The following LINGO2 variants were observed in gnomAD, a reference collection of about 807,000 sequenced individuals.
The protein encoded by LINGO2 is leucine rich repeat and Ig domain containing 2, also known as leucine-rich repeat and immunoglobulin-like domain-containing nogo receptor-interacting protein 2.
A neutral mutation model predicts 30.6 loss-of-function variants in LINGO2; 14 were observed. The observed-to-expected ratio is 0.46, with a 90% confidence interval of 0.30 to 0.72. LINGO2 has a LOEUF of 0.72. Among genes scored for constraint, LINGO2 ranks in the 30% least tolerant of loss-of-function variants. The pLI is 0.07. For synonymous variants in LINGO2, 317 were observed against 288.5 expected, an observed-to-expected ratio of 1.10 and a Z score of -1.00; for missense variants, 729 against 751.7, an observed-to-expected ratio of 0.97 and a Z score of 0.35.
At chr9:28,465,248 T>C (rs938231080) in intron 2 of LINGO2, among the ~76,000 whole-genome samples, 2 of 152,036 alleles carry the variant, frequency 1.3e-5, no homozygotes, top group Non-Finnish European at 2.9e-5. Flanking sequence ...ATGGTGAACA[T>C]AGAAATTTTA....
the LINGO2 span, among the ~76,000 whole-genome samples, chr9:28,991,909 G>A: frequency 2.0e-5 from 3 of 151,970 alleles, no homozygotes; most frequent in Non-Finnish European, 4.4e-5. Context: ...CACTGCAAAA[G>A]CATGCCAAAT....
At chr9:28,542,151 AT>A (rs1404048076) in intron 1 of LINGO2, among the ~76,000 whole-genome samples, 1 of 152,148 alleles carries the variant, frequency 6.6e-6, no homozygotes, top group African/African-American at 2.4e-5. Flanking sequence ...TCTGCAGTGG[AT>A]ATTACCTTCC....
intron 4 of LINGO2, among the ~76,000 whole-genome samples, chr9:28,279,526 G>C (rs1230327887): frequency 2.6e-5 from 4 of 152,088 alleles, no homozygotes; most frequent in Admixed American, 6.6e-5. Flanking sequence ...CAAAAATATT[G>C]TGATTTGTTG....
chr9:28,351,387 C>T (rs930602302), intron 3 of LINGO2, among the ~76,000 whole-genome samples: 21 of 150,852 alleles, frequency 1.4e-4, no homozygotes, highest in African/African-American at 4.6e-4. Context: ...TGCAAATAAA[C>T]TAGAAAATCT....
chr9:28,509,823 T>C lies in LINGO2; in HGVS notation c.-364-33798A>G, dbSNP rs1445031872. On this transcript the variant is annotated intron_variant, in intron 1 of 5. Transcript: ENST00000379992. ...ATTGTTTTAGTCATACAGTCTGTGG[T>C]ATTTTGTTGTGGCAGCCCTTGCAGA... Among the ~76,000 whole-genome samples, 6 of 152,364 alleles carry C rather than the reference T, an allele frequency of 3.9e-5. No individual in the cohort carries two copies. The South Asian group carries it at 1.0e-3, about 26-fold the overall frequency.
chr9:29,067,265 C>T, the LINGO2 span, among the ~76,000 whole-genome samples: 1 of 151,684 alleles, frequency 6.6e-6, no homozygotes, highest in Non-Finnish European at 1.5e-5. Context: ...TGGGAACACA[C>T]TATAGATAAT....
chr9:28,321,870 C>A (rs1825055891), intron 3 of LINGO2, among the ~76,000 whole-genome samples: 1 of 151,720 alleles, frequency 6.6e-6, no homozygotes, highest in Non-Finnish European at 1.5e-5. Context: ...GATGTTAGGA[C>A]AGGCGATGGA....
At chr9:29,021,433 G>A in the LINGO2 span, among the ~76,000 whole-genome samples, 8 of 152,154 alleles carry the variant, frequency 5.3e-5, no homozygotes, top group African/African-American at 1.4e-4. Context: ...CGATGCGGGC[G>A]GATCATGAGG....
chr9:28,996,020 TA>T, the LINGO2 span, among the ~76,000 whole-genome samples: 37 of 150,480 alleles, frequency 2.5e-4, no homozygotes, highest in African/African-American at 7.1e-4. Flanking sequence ...TAAAGTATAA[TA>T]AAAAAAATGA....
At chr9:29,119,821 C>T in the LINGO2 span, among the ~76,000 whole-genome samples, 1 of 152,036 alleles carries the variant, frequency 6.6e-6, no homozygotes, top group Non-Finnish European at 1.5e-5. Context: ...TGGTCTCGAA[C>T]TCCTGACCTC....
the LINGO2 span, among the ~76,000 whole-genome samples, chr9:29,182,085 A>C: frequency 6.6e-6 from 1 of 152,290 alleles, no homozygotes; most frequent in African/African-American, 2.4e-5. Context: ...AAAGAAAATA[A>C]ATAGAAAGAT....
At chr9:28,309,204 T>C (rs1824502438) in intron 3 of LINGO2, among the ~76,000 whole-genome samples, 1 of 152,074 alleles carries the variant, frequency 6.6e-6, no homozygotes, top group Admixed American at 6.6e-5. Context: ...GAAGATAGAC[T>C]GGATTAAGAA....
chr9:28,022,643 CTT>C (rs1823188024), intron 4 of LINGO2, among the ~76,000 whole-genome samples: 1 of 151,556 alleles, frequency 6.6e-6, no homozygotes, highest in African/African-American at 2.4e-5. Context: ...GCATAACTCT[CTT>C]CTTTTTCTCT....
At chr9:28,706,125 T>G in the LINGO2 span, among the ~76,000 whole-genome samples, 2 of 152,132 alleles carry the variant, frequency 1.3e-5, no homozygotes, top group Non-Finnish European at 2.9e-5. Flanking sequence ...CATTCATATA[T>G]TCAGGGCTTT....
rs142873899 is a variant in LINGO2 at position 28,303,605 on chromosome 9, C to T, written c.-245-8239G>A. Among the ~76,000 whole-genome samples the T allele has an allele frequency of 2.6e-4, 39 of 152,094 alleles. 2 individuals carry two copies. The East Asian group carries it at 5.2e-3, about 20-fold the overall frequency. ...ACTGTAACATAACAGTAGATTAACA[C>T]GTGTTTTGTGTGCTCTATTTATTAA... On this transcript the variant is annotated intron_variant, in intron 3 of 5. Coordinates refer to ENST00000379992, the Ensembl canonical transcript of LINGO2.
intron 5 of LINGO2, among the ~76,000 whole-genome samples, chr9:27,956,991 A>T (rs1229380031): frequency 6.6e-6 from 1 of 152,118 alleles, no homozygotes; most frequent in East Asian, 1.9e-4. Context: ...GCTACTCAGG[A>T]AGCTGAGGTG....
chr9:28,505,931 A>C (rs992139790), intron 1 of LINGO2, among the ~76,000 whole-genome samples: 7 of 151,836 alleles, frequency 4.6e-5, no homozygotes, highest in Non-Finnish European at 8.8e-5. Flanking sequence ...TTAAGCACAA[A>C]GGAATTATTA....
At chr9:28,133,641 T>C (rs976924579) in intron 4 of LINGO2, among the ~76,000 whole-genome samples, 1 of 152,172 alleles carries the variant, frequency 6.6e-6, no homozygotes, top group Non-Finnish European at 1.5e-5. Flanking sequence ...AAAGCACTGA[T>C]GGGCAGCTTG....
At chr9:28,479,151 A>G (rs1417441658) in intron 1 of LINGO2, among the ~76,000 whole-genome samples, 1 of 152,054 alleles carries the variant, frequency 6.6e-6, no homozygotes, top group East Asian at 1.9e-4. Flanking sequence ...ATTAACTATC[A>G]TTACAAAAAT....
Sources: allele counts gnomAD v4.1 joint callset (sites outside exome capture counted in the v4.1 genomes callset), GRCh38; gene constraint gnomAD v4.1.1; transcripts MANE v1.5; gene names NCBI Gene and HGNC (gene_info 2026-07-23, HGNC 2026-07-21).